The following ALK variants were observed in gnomAD, a reference collection of about 807,000 sequenced individuals.
ALK encodes the protein ALK tyrosine kinase receptor.
Under a neutral mutation model 163.1 loss-of-function variants are expected in ALK, and 74 were observed. That is an observed-to-expected ratio of 0.45 (90% CI 0.38 to 0.55). The LOEUF (loss-of-function observed/expected upper bound fraction) is 0.55. Among genes scored for constraint, ALK ranks in the 20% least tolerant of loss-of-function variants. ALK has a pLI of 0.00. For missense variants in ALK, 2,063 were observed against 2,105.3 expected (o/e 0.98, Z 0.39); for synonymous variants, 960 against 843.2 (o/e 1.14, Z -2.40).
At chr2:29,749,421 C>T (rs1680293893) in intron 1 of ALK, among the ~76,000 whole-genome samples, 1 of 152,218 alleles carries the variant, frequency 6.6e-6, no homozygotes, top group Non-Finnish European at 1.5e-5. Flanking sequence ...AGTTGCTAAG[C>T]ACCCACTCAG....
intron 1 of ALK, among the ~76,000 whole-genome samples, chr2:29,917,291 T>C (rs1385086007): frequency 6.6e-6 from 1 of 152,164 alleles, no homozygotes; most frequent in East Asian, 1.9e-4. Context: ...GACAAGACAC[T>C]TGGGCAGACA....
At position 29,219,575 on chromosome 2, in the gene ALK, G is replaced by A. The variant is rs1480936162; in HGVS notation, c.3645+1131C>T. The stretch of plus-strand genomic sequence containing the variant: ...TACAGTGGTTCGTTGAGGAAGCCTG[G>A]ATCCTAACCTTGGGGCCTGCTCAGC... On this transcript the variant is annotated intron_variant, in intron 23 of 28. Coordinates refer to ENST00000389048, the MANE Select transcript of ALK (RefSeq NM_004304.5). Among the ~76,000 whole-genome samples the A allele has an allele frequency of 3.3e-5, 5 of 152,206 alleles. No individual in the cohort carries two copies. The East Asian group carries it at 9.6e-4, about 29-fold the overall frequency.
chr2:29,888,261 T>TA (rs70962244), intron 1 of ALK, among the ~76,000 whole-genome samples: 13 of 145,770 alleles, frequency 8.9e-5, no homozygotes, highest in Admixed American at 1.4e-4. Context: ...TTTTTTTTTT[T>TA]AAAAAAAGGG....
chr2:29,447,305 C>G (rs111565293), intron 4 of ALK, among the ~76,000 whole-genome samples: 3,182 of 152,282 alleles, frequency 0.021, 100 homozygotes, highest in African/African-American at 0.071. Context: ...CTGGCAGGTA[C>G]AGCAGCACCT....
intron 3 of ALK, among the ~76,000 whole-genome samples, chr2:29,655,001 G>A (rs1462503156): frequency 1.3e-5 from 2 of 152,084 alleles, no homozygotes; most frequent in African/African-American, 4.8e-5. Flanking sequence ...AAGTTCTTTT[G>A]TTCTACCAAC....
At chr2:29,219,524 G>GCAAGT (rs1456881861) in intron 23 of ALK, among the ~76,000 whole-genome samples, 1 of 152,170 alleles carries the variant, frequency 6.6e-6, no homozygotes, top group African/African-American at 2.4e-5. Context: ...CTTTTACTGT[G>GCAAGT]CAAGTCTTCC....
intron 1 of ALK, among the ~76,000 whole-genome samples, chr2:29,776,050 G>A (rs185674043): frequency 6.6e-6 from 1 of 152,268 alleles, no homozygotes; most frequent in East Asian, 1.9e-4. Context: ...GTTATTGATG[G>A]TACTACAAGC....
In ALK at chr2:29,421,037, A is replaced by G. The variant is rs575240648; in HGVS notation, c.1155-37178T>C. Among the ~76,000 whole-genome samples, 4 of 151,604 alleles carry G rather than the reference A, an allele frequency of 2.6e-5. No homozygotes were observed. The East Asian group carries it at 5.8e-4, about 22-fold the overall frequency. ...TTGACCTCTCTGTCTCCATGCCATCATTCCACGTTCATCCCAGGGCAGCTG... is the reference window on the plus strand; with the variant it reads ...TTGACCTCTCTGTCTCCATGCCATCGTTCCACGTTCATCCCAGGGCAGCTG... On this transcript the variant is annotated intron_variant, in intron 4 of 28. Coordinates refer to ENST00000389048, the MANE Select transcript of ALK (RefSeq NM_004304.5).
intron 4 of ALK, among the ~76,000 whole-genome samples, chr2:29,403,656 AT>A (rs1669504433): frequency 7.5e-6 from 1 of 134,046 alleles, no homozygotes; most frequent in East Asian, 2.3e-4. Flanking sequence ...CAGGAGGATC[AT>A]TTGAACCCAG....
intron 1 of ALK, among the ~76,000 whole-genome samples, chr2:29,780,802 G>A (rs1168170038): frequency 6.6e-6 from 1 of 152,232 alleles, no homozygotes; most frequent in East Asian, 1.9e-4. Context: ...TTCAGTTGAT[G>A]AAGCTCTGAC....
At chr2:29,888,249 T>G (rs1382452864) in intron 1 of ALK, among the ~76,000 whole-genome samples, 1 of 117,186 alleles carries the variant, frequency 8.5e-6, no homozygotes, top group Admixed American at 9.2e-5. Flanking sequence ...ATAAATTGTT[T>G]TTTTTTTTTT....
chr2:29,721,728 G>A (rs1162949889), intron 1 of ALK, among the ~76,000 whole-genome samples: 2 of 152,144 alleles, frequency 1.3e-5, no homozygotes, highest in African/African-American at 2.4e-5. Context: ...CTGTTACAAT[G>A]GTCCTGCATC....
At chr2:29,379,941 TAAAGA>T (rs1668854277) in intron 5 of ALK, among the ~76,000 whole-genome samples, 1 of 152,088 alleles carries the variant, frequency 6.6e-6, no homozygotes, top group Non-Finnish European at 1.5e-5. Flanking sequence ...GGGTAATTTA[TAAAGA>T]AAAGAGGATT....
intron 1 of ALK, among the ~76,000 whole-genome samples, chr2:29,743,798 T>C (rs1680128902): frequency 6.6e-6 from 1 of 152,152 alleles, no homozygotes; most frequent in African/African-American, 2.4e-5. Flanking sequence ...GGCCCCAGGT[T>C]TGCAGGCTTC....
chr2:29,670,057 A>G (rs1407447599), intron 3 of ALK, among the ~76,000 whole-genome samples: 11 of 152,092 alleles, frequency 7.2e-5, no homozygotes, highest in African/African-American at 2.7e-4. Flanking sequence ...TGCACGCCAT[A>G]ATTACAATAC....
intron 11 of ALK, among the ~76,000 whole-genome samples, chr2:29,273,045 T>C (rs75504712): frequency 0.017 from 2,526 of 152,338 alleles, 24 homozygotes; most frequent in Middle Eastern, 0.071. Flanking sequence ...TGATCTTTCC[T>C]TTCCTTTCCT....
Position 29,228,872 on chromosome 2 carries a change from A to G in ALK, c.2815+12T>C. The G allele has an allele frequency of 6.4e-7, 1 of 1,561,334 alleles. No individual in the cohort carries two copies. Among genetic ancestry groups the G allele is most frequent in the Non-Finnish European group, 8.8e-7 (1 of 1,132,100 alleles). ...GGGAGGGAGTGACACCTTGAACACGAATCATCTTTACCTATATATCCTCCG... is the reference window on the plus strand; with the variant it reads ...GGGAGGGAGTGACACCTTGAACACGGATCATCTTTACCTATATATCCTCCG... On this transcript the variant is annotated intron_variant, in intron 16 of 28. Transcript: ENST00000389048.
intron 3 of ALK, among the ~76,000 whole-genome samples, chr2:29,569,261 T>C (rs1364661746): frequency 1.3e-5 from 2 of 150,826 alleles, no homozygotes; most frequent in Non-Finnish European, 2.9e-5. Flanking sequence ...GGAAATCAAA[T>C]AGCCTGACTT....
At chr2:29,598,614 G>A (rs1404954497) in intron 3 of ALK, among the ~76,000 whole-genome samples, 1 of 152,070 alleles carries the variant, frequency 6.6e-6, no homozygotes, top group Non-Finnish European at 1.5e-5. Flanking sequence ...GACATTTAGT[G>A]AAAAATGGTG....
Sources: allele counts gnomAD v4.1 joint callset (sites outside exome capture counted in the v4.1 genomes callset), GRCh38; gene constraint gnomAD v4.1.1; transcripts MANE v1.5; gene names NCBI Gene and HGNC (gene_info 2026-07-23, HGNC 2026-07-21).